The following SLC24A2 variants were observed in gnomAD, a reference collection of about 807,000 sequenced individuals.
SLC24A2 encodes the protein solute carrier family 24 member 2.
Under a neutral mutation model 62.0 loss-of-function variants are expected in SLC24A2, and 36 were observed. That is an observed-to-expected ratio of 0.58 (90% confidence interval 0.44 to 0.77). The LOEUF (loss-of-function observed/expected upper bound fraction) is 0.77. Among genes scored for constraint, SLC24A2 ranks in the 30% least tolerant of loss-of-function variants. The pLI is 0.00. For missense variants in SLC24A2, 846 were observed against 817.9 expected, an observed-to-expected ratio of 1.03 and a Z score of -0.42; for synonymous variants, 358 against 294.0, an observed-to-expected ratio of 1.22 and a Z score of -2.23.
chr9:19,834,056 C>CT, the SLC24A2 span, among the ~76,000 whole-genome samples: 1 of 152,144 alleles, frequency 6.6e-6, no homozygotes, highest in Admixed American at 6.5e-5. Flanking sequence ...AAAGGACCTC[C>CT]ACCCCAAAAA....
chr9:19,615,455 A>C (rs1817743131), intron 4 of SLC24A2, among the ~76,000 whole-genome samples: 1 of 152,234 alleles, frequency 6.6e-6, no homozygotes, highest in Non-Finnish European at 1.5e-5. Context: ...GCAAACTAAG[A>C]GAGATGACTA....
chr9:19,872,794 T>C, the SLC24A2 span, among the ~76,000 whole-genome samples: 2 of 152,230 alleles, frequency 1.3e-5, no homozygotes, highest in African/African-American at 4.8e-5. Context: ...TTGGCAGTCC[T>C]GGGTCTTCTT....
the SLC24A2 span, among the ~76,000 whole-genome samples, chr9:19,820,058 C>CACAT: frequency 5.8e-5 from 2 of 34,644 alleles, no homozygotes; most frequent in East Asian, 1.0e-3. Flanking sequence ...TATATATACA[C>CACAT]ATATATATAT....
At chr9:19,805,313 C>T in the SLC24A2 span, among the ~76,000 whole-genome samples, 1 of 152,150 alleles carries the variant, frequency 6.6e-6, no homozygotes, top group Non-Finnish European at 1.5e-5. Flanking sequence ...ATACCATAAA[C>T]AGACATTTCT....
At chr9:19,766,339 G>T (rs1822514367) in intron 2 of SLC24A2, among the ~76,000 whole-genome samples, 1 of 152,150 alleles carries the variant, frequency 6.6e-6, no homozygotes, top group African/African-American at 2.4e-5. Context: ...TTGTTCCCTT[G>T]CTGGTGAGGA....
chr9:19,698,830 A>C (rs1337355959), intron 2 of SLC24A2, among the ~76,000 whole-genome samples: 1 of 152,126 alleles, frequency 6.6e-6, no homozygotes, highest in Non-Finnish European at 1.5e-5. Context: ...TTTGTATGGG[A>C]ATTGTACCAC....
the SLC24A2 span, among the ~76,000 whole-genome samples, chr9:20,183,111 C>T: frequency 6.6e-6 from 1 of 152,104 alleles, no homozygotes; most frequent in African/African-American, 2.4e-5. Flanking sequence ...TCTAGATCTA[C>T]CTTAGTGGCT....
the SLC24A2 span, among the ~76,000 whole-genome samples, chr9:20,076,868 T>TAC: frequency 5.1e-5 from 3 of 58,906 alleles, no homozygotes; most frequent in African/African-American, 7.6e-5. Context: ...TATGTATATA[T>TAC]ATATATATAT....
chr9:19,826,240 A>C, the SLC24A2 span, among the ~76,000 whole-genome samples: 1 of 152,090 alleles, frequency 6.6e-6, no homozygotes, highest in Non-Finnish European at 1.5e-5. Flanking sequence ...ATGTTCATTA[A>C]AAGAAGAAAA....
chr9:19,798,626 A>ACACACACACACACC, the SLC24A2 span, among the ~76,000 whole-genome samples: 5 of 149,944 alleles, frequency 3.3e-5, no homozygotes, highest in African/African-American at 1.2e-4. Flanking sequence ...ACACACACAC[A>ACACACACACACACC]CCCCTGGAAA....
chr9:19,533,460 C>T (rs966152076), intron 8 of SLC24A2, among the ~76,000 whole-genome samples: 1 of 152,186 alleles, frequency 6.6e-6, no homozygotes, highest in Non-Finnish European at 1.5e-5. Context: ...TTATGACTTG[C>T]TTTGACCAAA....
the SLC24A2 span, among the ~76,000 whole-genome samples, chr9:20,000,640 T>C: frequency 2.0e-5 from 3 of 152,298 alleles, no homozygotes; most frequent in African/African-American, 7.2e-5. Flanking sequence ...TCCCGCAGTC[T>C]CCATATCTGC....
At chr9:19,976,520 C>G in the SLC24A2 span, among the ~76,000 whole-genome samples, 1 of 152,214 alleles carries the variant, frequency 6.6e-6, no homozygotes, top group Non-Finnish European at 1.5e-5. Context: ...CCTGAGGCCT[C>G]CCAGTCATGT....
At chr9:20,155,329 C>CA in the SLC24A2 span, among the ~76,000 whole-genome samples, 5 of 151,744 alleles carry the variant, frequency 3.3e-5, no homozygotes, top group African/African-American at 1.2e-4. Context: ...CGCCTCCACT[C>CA]ACGTATACAC....
the SLC24A2 span, among the ~76,000 whole-genome samples, chr9:19,932,007 C>G: frequency 6.6e-6 from 1 of 151,996 alleles, no homozygotes; most frequent in African/African-American, 2.4e-5. Context: ...AAAAAATCAT[C>G]CATTATGCAT....
At chr9:19,517,043 A>G (rs1315751143) in intron 10 of SLC24A2, among the ~76,000 whole-genome samples, 1 of 152,216 alleles carries the variant, frequency 6.6e-6, no homozygotes, top group Non-Finnish European at 1.5e-5. Flanking sequence ...TTTTCTTAAA[A>G]AAAACTTTAT....
At chr9:19,989,931 G>A in the SLC24A2 span, among the ~76,000 whole-genome samples, 1 of 152,174 alleles carries the variant, frequency 6.6e-6, no homozygotes, top group Non-Finnish European at 1.5e-5. Context: ...ATAGAGACAG[G>A]TAAGTGCCTA....
Position 19,580,221 on chromosome 9 carries a change from C to T in SLC24A2, c.1130-3199G>A, listed in dbSNP as rs548741194. On this transcript the variant is annotated intron_variant, in intron 5 of 10. Transcript: ENST00000341998. Reference sequence around the variant, plus strand: ...ACCTCCCTCCTAGATGATTCTTTGTCGCAACTAATATGACCTGGCAGCCAT... The same window carrying T: ...ACCTCCCTCCTAGATGATTCTTTGTTGCAACTAATATGACCTGGCAGCCAT... 8.5e-5 allele frequency among the ~76,000 whole-genome samples: 13 copies of T among 152,330 alleles called. No individual in the cohort carries two copies. The East Asian group carries it at 1.4e-3, about 16-fold the overall frequency.
At chr9:19,971,543 A>G in the SLC24A2 span, among the ~76,000 whole-genome samples, 1 of 152,176 alleles carries the variant, frequency 6.6e-6, no homozygotes, top group Non-Finnish European at 1.5e-5. Flanking sequence ...CCTGGTACCA[A>G]CCACTCAGGG....
Sources: gnomAD v4.1 joint callset for allele counts (sites outside exome capture counted in the v4.1 genomes callset) on GRCh38, gnomAD v4.1.1 for gene constraint, MANE v1.5 for transcripts, NCBI Gene and HGNC (gene_info 2026-07-23, HGNC 2026-07-21) for gene names.